Variants in MAP3K15 observed in about 807,000 individuals in gnomAD.
MAP3K15 encodes mitogen-activated protein kinase kinase kinase 15.
Under a neutral mutation model 99.5 loss-of-function variants are expected in MAP3K15, and 124 were observed. That is an observed-to-expected ratio of 1.25 (90% CI 1.08 to 1.45). The LOEUF is 1.45. Among genes scored for constraint, MAP3K15 ranks in the 40% most tolerant of loss-of-function variants. MAP3K15 has a pLI of 0.00. For synonymous variants in MAP3K15, 494 were observed against 439.6 expected, an observed-to-expected ratio of 1.12 and a Z score of -1.55; for missense variants, 1,242 against 1,079.7, an observed-to-expected ratio of 1.15 and a Z score of -2.11.
rs60578003 is a variant in MAP3K15 at position 19,481,115 on chromosome X, C to CAAA, written c.525+5364_525+5366dup. 1.3e-3 allele frequency among the ~76,000 whole-genome samples: 70 copies of CAAA among 55,059 alleles called. 3 individuals are homozygous for CAAA. Among genetic ancestry groups the CAAA allele is most frequent in the African/African-American group, 4.1e-3 (41 of 9,957 alleles). 47.8% of individuals were successfully genotyped at this position (55,059 alleles called of 115,157 possible). A position where few individuals can be genotyped will look rare whatever the true frequency, so the allele number is the denominator to read the frequency against. The stretch of plus-strand genomic sequence containing the variant: ...TGGGTGACAGAGCGAGAACTTGTCT[C>CAAA]AAAAAAAAAAAAAAAAAAAAGTTTT... On this transcript the variant is annotated intron_variant, in intron 3 of 28. Coordinates refer to ENST00000338883, the MANE Select transcript of MAP3K15 (RefSeq NM_001001671.4).
intron 25 of MAP3K15, among the ~76,000 whole-genome samples, chrX:19,364,337 G>A (rs2063319144): frequency 8.9e-6 from 1 of 112,089 alleles, no homozygotes; most frequent in Non-Finnish European, 1.9e-5. Flanking sequence ...TGCCTTGGGG[G>A]AAAGGGCTGA....
chrX:19,366,845 C>T (rs2063338138), intron 25 of MAP3K15, among the ~76,000 whole-genome samples: 1 of 111,989 alleles, frequency 8.9e-6, no homozygotes, highest in Admixed American at 9.5e-5. Flanking sequence ...TGCTGCCTAA[C>T]CAATTCCTCA....
At chrX:19,465,830 G>GGGGTGTGT (rs1555961308) in intron 3 of MAP3K15, among the ~76,000 whole-genome samples, 3 of 94,006 alleles carry the variant, frequency 3.2e-5, no homozygotes, top group African/African-American at 1.2e-4. Context: ...GGTGTGTAGG[G>GGGGTGTGT]GTGTGTGTGT....
intron 12 of MAP3K15, among the ~76,000 whole-genome samples, chrX:19,407,731 C>T (rs150599528): frequency 0.075 from 8,456 of 112,004 alleles, 806 homozygotes; most frequent in African/African-American, 0.26. Context: ...GGCACTGTAG[C>T]TCAAGAAAGG....
intron 2 of MAP3K15, 138 bp downstream of exon 2, chrX:19,488,690 T>C (rs2064346292): frequency 1.7e-6 from 1 of 574,376 alleles, no homozygotes; most frequent in African/African-American, 2.3e-5. Flanking sequence ...TGAACTAGAA[T>C]CTGTGGTGGG....
rs748998915 is a variant in MAP3K15, at chrX:19,367,723, ATTTTTTTTTTTTTTTTTTTTTTTTTTT to A, written c.3566+1304_3566+1330del. Reference sequence around the variant, plus strand: ...ACCAACTCATTTGCTATAACTATGGATTTTTTTTTTTTTTTTTTTTTTTTTTTTTTTTTTTTTTTTTTTGAGACAGAG... The same window carrying A: ...ACCAACTCATTTGCTATAACTATGGATTTTTTTTTTTTTTTTGAGACAGAG... On this transcript the variant is annotated intron_variant, in intron 25 of 28. Coordinates refer to ENST00000338883, the MANE Select transcript of MAP3K15 (RefSeq NM_001001671.4). Among the ~76,000 whole-genome samples the A allele has an allele frequency of 4.1e-4, 10 of 24,141 alleles. No individual in the cohort carries two copies. In the East Asian group the frequency reaches 6.8e-3, roughly 17 times the overall value. The allele number at this position is 24,141 out of a possible 115,157, so 21.0% of individuals were successfully genotyped here. A position where few individuals can be genotyped will look rare whatever the true frequency, so the allele number is the denominator to read the frequency against.
chrX:19,468,825 C>G (rs777450736), intron 3 of MAP3K15, among the ~76,000 whole-genome samples: 3 of 110,646 alleles, frequency 2.7e-5, no homozygotes, highest in African/African-American at 3.3e-5. Context: ...CTTGAAGAGG[C>G]CTTTCACATC....
intron 6 of MAP3K15, 33 bp from the exon 7 acceptor site, chrX:19,431,641 A>T (rs1444102139): frequency 8.6e-7 from 1 of 1,157,169 alleles, no homozygotes; most frequent in South Asian, 1.9e-5. Context: ...TCACAAATGA[A>T]TCAATCAAGA....
At chrX:19,440,055 G>A (rs1438958717) in intron 6 of MAP3K15, among the ~76,000 whole-genome samples, 1 of 111,267 alleles carries the variant, frequency 9.0e-6, no homozygotes, top group Non-Finnish European at 1.9e-5. Context: ...TGGTGTGCAT[G>A]GCCACTCCAG....
rs931916920 is a variant in MAP3K15, at chrX:19,508,784, T to G, written c.361+6117A>C. The stretch of plus-strand genomic sequence containing the variant: ...CTGTAATCCCAGAATTTTGGGAGGC[T>G]GAGGCAGGAGGATTGCTCAAGTGTG... On this transcript the variant is annotated intron_variant, in intron 1 of 28. Transcript: ENST00000338883. Among the ~76,000 whole-genome samples, 13 of 110,331 alleles carry G rather than the reference T, an allele frequency of 1.2e-4. 1 individual carries two copies. The highest frequency in any genetic ancestry group is 5.7e-4 in the East Asian group (2 of 3,482).
intron 1 of MAP3K15, among the ~76,000 whole-genome samples, chrX:19,498,568 G>A (rs1165274300): frequency 2.7e-5 from 3 of 112,091 alleles, no homozygotes; most frequent in African/African-American, 9.7e-5. Flanking sequence ...TTTCATTATA[G>A]GTCTCTGGTG....
chrX:19,360,629 T>C lies in MAP3K15; in HGVS notation c.*120A>G. 1 of 529,040 alleles carries C rather than the reference T, an allele frequency of 1.9e-6. No homozygotes were observed. The allele number at this position is 529,040 out of a possible 1,213,427, so 43.6% of individuals were successfully genotyped here. A position where few individuals can be genotyped will look rare whatever the true frequency, so the allele number is the denominator to read the frequency against. On this transcript the variant is annotated 3_prime_UTR_variant, in exon 29 of 29. Coordinates refer to ENST00000338883, the MANE Select transcript of MAP3K15 (RefSeq NM_001001671.4). ...TATTTAAAACAAGTTCTTAAACTAT[T>C]AATTGAACAATGGCATTTTTAAATA...
chrX:19,464,954 C>A (rs780901438), intron 3 of MAP3K15, among the ~76,000 whole-genome samples: 3 of 111,098 alleles, frequency 2.7e-5, no homozygotes, highest in Admixed American at 9.6e-5. Context: ...TGCAGTGGCG[C>A]GAACATGGCT....
At position 19,407,327 on chromosome X, in the gene MAP3K15, C is replaced by A. The variant is rs768483743; in HGVS notation, c.1749-44G>T. 1.5e-5 allele frequency: 11 copies of A among 753,422 alleles called. No homozygotes were observed. In the Admixed American group the frequency reaches 2.9e-4, roughly 20 times the overall value. The allele number at this position is 753,422 out of a possible 1,213,427, so 62.1% of individuals were successfully genotyped here. ...TAATGTTTATACATAAGTTATGATA[C>A]CCACTCTAAATCTGCAAGACAATCT... On this transcript the variant is annotated intron_variant, in intron 12 of 28. Transcript: ENST00000338883.
intron 9 of MAP3K15, among the ~76,000 whole-genome samples, chrX:19,416,364 C>G (rs1196509720): frequency 9.0e-6 from 1 of 110,983 alleles, no homozygotes; most frequent in Non-Finnish European, 1.9e-5. Flanking sequence ...AAACTTCCAC[C>G]GTGTGAGACT....
At chrX:19,368,691 C>G (rs1026679395) in intron 25 of MAP3K15, among the ~76,000 whole-genome samples, 1 of 110,664 alleles carries the variant, frequency 9.0e-6, no homozygotes. Flanking sequence ...TCTGCAGGGG[C>G]AGGCTGCTGA....
rs1173582521 is a variant in MAP3K15, at chrX:19,392,404, T to C, written c.2264A>G (p.Lys755Arg). The change falls in exon 17 of 29, where the codon AAA (lysine) becomes AGA (arginine). Residue 755 changes from lysine (K) to arginine (R), a missense_variant. Lys to Arg is a conservative substitution (Grantham distance 26). Transcript: ENST00000338883. ...MKEPTIKFYTKQILEGLKYLH... is the reference protein window; with the variant it reads ...MKEPTIKFYTRQILEGLKYLH... ...ATACTTAAGGCCCTCCAGGATCTGT[T>C]TGGTGTAAAACTTGATTGTCGGTTC... 8.3e-7 allele frequency: 1 copy of C among 1,210,900 alleles called. No homozygotes were observed. The highest frequency in any genetic ancestry group is 1.1e-6 in the Non-Finnish European group (1 of 894,662).
At chrX:19,486,219 C>G (rs1197299341) in intron 3 of MAP3K15, among the ~76,000 whole-genome samples, 1 of 111,709 alleles carries the variant, frequency 9.0e-6, no homozygotes, top group Non-Finnish European at 1.9e-5. Context: ...GGTTACAGCT[C>G]AAAGTCCCAG....
chrX:19,424,503 A>G (rs372671782), intron 9 of MAP3K15, among the ~76,000 whole-genome samples: 1 of 110,672 alleles, frequency 9.0e-6, no homozygotes, highest in Non-Finnish European at 1.9e-5. Flanking sequence ...AAGATCATAT[A>G]GAACAGTGGT....
Sources: gnomAD v4.1 joint callset for allele counts (sites outside exome capture counted in the v4.1 genomes callset) on GRCh38, gnomAD v4.1.1 for gene constraint, MANE v1.5 for transcripts, NCBI Gene and HGNC (gene_info 2026-07-23, HGNC 2026-07-21) for gene names.